Variants in NRXN3 observed in about 807,000 individuals in gnomAD.
NRXN3 encodes the protein neurexin III.
In NRXN3, 32 loss-of-function variants were observed where a neutral mutation model predicts 137.6. The observed-to-expected ratio is 0.23, with a 90% CI of 0.18 to 0.31. The LOEUF (loss-of-function observed/expected upper bound fraction) is 0.31, where lower values mean the gene tolerates loss of function less well. Among genes scored for constraint, NRXN3 ranks in the 10% least tolerant of loss-of-function variants. NRXN3 has a pLI of 1.00. For missense variants in NRXN3, 1,574 were observed against 2,062.5 expected (o/e 0.76, Z 4.59); for synonymous variants, 798 against 784.5 (o/e 1.02, Z -0.29).
At chr14:78,936,388 T>C (rs773769053) in intron 10 of NRXN3, among the ~76,000 whole-genome samples, 2 of 152,146 alleles carry the variant, frequency 1.3e-5, no homozygotes, top group Non-Finnish European at 2.9e-5. Flanking sequence ...CAAGGAACTA[T>C]GGAGAAACAA....
chr14:78,733,185 TGGAAAGCTTG>T (rs1368530917), intron 8 of NRXN3, among the ~76,000 whole-genome samples: 1 of 152,138 alleles, frequency 6.6e-6, no homozygotes, highest in East Asian at 1.9e-4. Context: ...ACCAAGCTCA[TGGAAAGCTTG>T]GACCATGCCT....
intron 15 of NRXN3, among the ~76,000 whole-genome samples, chr14:79,225,445 A>C (rs2070682364): frequency 6.6e-6 from 1 of 152,010 alleles, no homozygotes; most frequent in African/African-American, 2.4e-5. Context: ...ATAATCCTAA[A>C]AGTTAGGGAT....
chr14:78,186,724 T>A (rs1310825743), intron 1 of NRXN3, among the ~76,000 whole-genome samples: 3 of 152,158 alleles, frequency 2.0e-5, no homozygotes, highest in Admixed American at 2.0e-4. Context: ...ATTTTCCTCC[T>A]GTGTGTGGAT....
intron 15 of NRXN3, among the ~76,000 whole-genome samples, chr14:79,417,179 A>G (rs1313356741): frequency 6.6e-6 from 1 of 152,172 alleles, no homozygotes; most frequent in Non-Finnish European, 1.5e-5. Flanking sequence ...AGGAATAGGT[A>G]TGATATGCAA....
chr14:79,530,486 G>C (rs2097159734), intron 16 of NRXN3, among the ~76,000 whole-genome samples: 1 of 152,096 alleles, frequency 6.6e-6, no homozygotes. Flanking sequence ...GACAAAGATG[G>C]AGAAGGAAAT....
intron 15 of NRXN3, among the ~76,000 whole-genome samples, chr14:79,309,021 G>A (rs1182183207): frequency 6.0e-5 from 7 of 116,764 alleles, no homozygotes; most frequent in Non-Finnish European, 1.0e-4. Context: ...ATGCTGGTGC[G>A]CTGCACCCAC....
Position 79,539,215 on chromosome 14 carries a change from G to A in NRXN3, c.3444+71813G>A, listed in dbSNP as rs532475370. ...GGCTAATTTTTTTTTTGTATTTTTA[G>A]CAGAGACTGGGTTTCACCACGTTGG... is the stretch of plus-strand genomic sequence containing the variant. On this transcript the variant is annotated intron_variant, in intron 16 of 20. Coordinates refer to ENST00000335750, the MANE Select transcript of NRXN3 (RefSeq NM_001330195.2). Among the ~76,000 whole-genome samples, 47 of 152,030 alleles carry A rather than the reference G, an allele frequency of 3.1e-4. No homozygotes were observed. The South Asian group carries it at 3.7e-3, about 12-fold the overall frequency.
At chr14:79,039,895 G>T (rs1434351823) in intron 15 of NRXN3, among the ~76,000 whole-genome samples, 2 of 152,060 alleles carry the variant, frequency 1.3e-5, no homozygotes, top group Admixed American at 6.6e-5. Flanking sequence ...GTAGAGACAG[G>T]ATCTTGCTAG....
At chr14:79,391,272 A>G (rs986242864) in intron 15 of NRXN3, among the ~76,000 whole-genome samples, 5 of 152,152 alleles carry the variant, frequency 3.3e-5, no homozygotes, top group African/African-American at 9.7e-5. Flanking sequence ...TGTGGATTCA[A>G]TAGGATTCAT....
chr14:78,344,303 C>T (rs187255616), intron 4 of NRXN3, among the ~76,000 whole-genome samples: 1 of 152,342 alleles, frequency 6.6e-6, no homozygotes, highest in East Asian at 1.9e-4. Flanking sequence ...CATTCCTACC[C>T]TAGGGCATAT....
chr14:79,606,009 T>G (rs1198398882), intron 16 of NRXN3, among the ~76,000 whole-genome samples: 1 of 152,196 alleles, frequency 6.6e-6, no homozygotes. Flanking sequence ...AGAAGGAGCT[T>G]GAACTCCAGG....
chr14:78,610,522 T>G (rs993159936), intron 4 of NRXN3, among the ~76,000 whole-genome samples: 1 of 152,192 alleles, frequency 6.6e-6, no homozygotes, highest in African/African-American at 2.4e-5. Context: ...ACTGTCTCTG[T>G]TTGATATTAA....
At position 79,265,448 on chromosome 14, in the gene NRXN3, T is replaced by C. The variant is rs537626863; in HGVS notation, c.3263-201773T>C. ...CCACCCCCAGTTACCCTAGTGCCAA[T>C]GGTAGCTAAAGAAGAGAAATGTTCA... On this transcript the variant is annotated intron_variant, in intron 15 of 20. Coordinates refer to ENST00000335750, the MANE Select transcript of NRXN3 (RefSeq NM_001330195.2). Among the ~76,000 whole-genome samples, 7 of 151,942 alleles carry C rather than the reference T, an allele frequency of 4.6e-5. No individual in the cohort carries two copies. The East Asian group carries it at 9.7e-4, about 21-fold the overall frequency.
chr14:78,858,812 C>T (rs575505281), intron 10 of NRXN3, among the ~76,000 whole-genome samples: 1 of 152,278 alleles, frequency 6.6e-6, no homozygotes, highest in Admixed American at 6.5e-5. Context: ...GGAACCACAA[C>T]AAATATGTGA....
At chr14:78,368,675 A>G (rs2086364894) in intron 4 of NRXN3, among the ~76,000 whole-genome samples, 1 of 152,230 alleles carries the variant, frequency 6.6e-6, no homozygotes, top group Non-Finnish European at 1.5e-5. Context: ...AGCCTGGGTG[A>G]CAAGAGCAAA....
rs1183970134 is a variant in NRXN3, at chr14:78,251,532, A to G, written c.709+7730A>G. Among the ~76,000 whole-genome samples, 3 of 152,304 alleles carry G rather than the reference A, an allele frequency of 2.0e-5. 1 individual carries two copies. Among genetic ancestry groups the G allele is most frequent in the East Asian group, 1.9e-4 (1 of 5,174 alleles). Reference sequence around the variant, plus strand: ...CAACTTGTTGCTGTCCGTGACAGCAATGTTGCTCTGGGTGTATGTGTGATT... The same window carrying G: ...CAACTTGTTGCTGTCCGTGACAGCAGTGTTGCTCTGGGTGTATGTGTGATT... On this transcript the variant is annotated intron_variant, in intron 2 of 20. Coordinates refer to ENST00000335750, the MANE Select transcript of NRXN3 (RefSeq NM_001330195.2).
At chr14:79,259,651 A>G (rs1009160334) in intron 15 of NRXN3, among the ~76,000 whole-genome samples, 1 of 148,316 alleles carries the variant, frequency 6.7e-6, no homozygotes, top group African/African-American at 2.5e-5. Context: ...AGTTATCTAT[A>G]TATAGCTATA....
intron 19 of NRXN3, among the ~76,000 whole-genome samples, chr14:79,753,499 T>C (rs1432128996): frequency 7.3e-6 from 1 of 137,568 alleles, no homozygotes; most frequent in Admixed American, 8.4e-5. Flanking sequence ...ATGTTCTCAC[T>C]CATAGATGGG....
chr14:78,444,776 G>A lies in NRXN3; in HGVS notation c.757+146916G>A, dbSNP rs117658570. On this transcript the variant is annotated intron_variant, in intron 4 of 20. Coordinates refer to ENST00000335750, the MANE Select transcript of NRXN3 (RefSeq NM_001330195.2). Reference sequence around the variant, plus strand: ...CTCTACTAAAAATACAAAATGAGCCGGGCCTCATGGTGGATACCTGTAATC... The same window carrying A: ...CTCTACTAAAAATACAAAATGAGCCAGGCCTCATGGTGGATACCTGTAATC... Among the ~76,000 whole-genome samples the A allele has an allele frequency of 4.4e-3, 666 of 151,726 alleles. 24 individuals are homozygous for A. In the East Asian group the frequency reaches 0.066, roughly 15 times the overall value.
Sources: gnomAD v4.1 joint callset for allele counts (sites outside exome capture counted in the v4.1 genomes callset) on GRCh38, gnomAD v4.1.1 for gene constraint, MANE v1.5 for transcripts, NCBI Gene and HGNC (gene_info 2026-07-23, HGNC 2026-07-21) for gene names.